The following RPS6KC1 variants were observed in gnomAD, a reference collection of about 807,000 sequenced individuals.
RPS6KC1 encodes the protein ribosomal protein S6 kinase C1, also known as inactive ribosomal protein S6 kinase delta-1.
A neutral mutation model predicts 103.8 loss-of-function variants in RPS6KC1; 54 were observed. That is an observed-to-expected ratio of 0.52 (90% CI 0.42 to 0.65). The LOEUF (loss-of-function observed/expected upper bound fraction) is 0.65, where lower values mean the gene tolerates loss of function less well. RPS6KC1 is among the 30% of genes least tolerant of loss of function. RPS6KC1 has a pLI of 0.00. For synonymous variants in RPS6KC1, 439 were observed against 438.7 expected (o/e 1.00, Z -0.01); for missense variants, 1,151 against 1,253.8 (o/e 0.92, Z 1.24).
At chr1:213,110,401 A>G (rs903903466) in intron 4 of RPS6KC1, among the ~76,000 whole-genome samples, 9 of 152,150 alleles carry the variant, frequency 5.9e-5, no homozygotes, top group African/African-American at 2.2e-4. Context: ...AGTAACTAAT[A>G]CTTTTTGTTA....
At chr1:213,285,381 A>G in the RPS6KC1 span, among the ~76,000 whole-genome samples, 4 of 152,208 alleles carry the variant, frequency 2.6e-5, no homozygotes, top group Admixed American at 2.0e-4. Flanking sequence ...TTGGGAGAAC[A>G]CAAAGATTCA....
the RPS6KC1 span, among the ~76,000 whole-genome samples, chr1:213,299,055 G>A: frequency 6.6e-6 from 1 of 152,174 alleles, no homozygotes; most frequent in Non-Finnish European, 1.5e-5. Flanking sequence ...AACAGCTGGG[G>A]CATCTGTCTC....
chr1:213,810,410 T>C, the RPS6KC1 span, among the ~76,000 whole-genome samples: 2 of 152,316 alleles, frequency 1.3e-5, no homozygotes, highest in Non-Finnish European at 1.5e-5. Context: ...TATTCATTGC[T>C]GCATACCTGG....
chr1:213,649,427 G>A, the RPS6KC1 span, among the ~76,000 whole-genome samples: 28 of 151,760 alleles, frequency 1.8e-4, no homozygotes, highest in Non-Finnish European at 3.7e-4. Context: ...CCTCCACTCC[G>A]CCCCCACCTA....
the RPS6KC1 span, among the ~76,000 whole-genome samples, chr1:213,665,199 AAAC>A: frequency 1.1e-4 from 16 of 151,062 alleles, no homozygotes; most frequent in East Asian, 3.9e-4. Context: ...AAACAAGCAA[AAAC>A]AACAACAACA....
At chr1:213,559,436 T>C in the RPS6KC1 span, among the ~76,000 whole-genome samples, 1 of 152,344 alleles carries the variant, frequency 6.6e-6, no homozygotes, top group East Asian at 1.9e-4. Context: ...AGCATTTAAG[T>C]GCATACAGAA....
At chr1:213,646,556 G>C in the RPS6KC1 span, among the ~76,000 whole-genome samples, 11 of 152,166 alleles carry the variant, frequency 7.2e-5, no homozygotes, top group East Asian at 1.5e-3. Flanking sequence ...GTTGTCTTGG[G>C]GAATTAACTT....
chr1:213,136,180 A>T (rs146520938), intron 6 of RPS6KC1, among the ~76,000 whole-genome samples: 1 of 152,314 alleles, frequency 6.6e-6, no homozygotes, highest in East Asian at 1.9e-4. Flanking sequence ...ATGGCATGAA[A>T]GGTAACCCCT....
the RPS6KC1 span, among the ~76,000 whole-genome samples, chr1:213,535,073 A>G: frequency 1.3e-5 from 2 of 152,228 alleles, no homozygotes; most frequent in Admixed American, 1.3e-4. Flanking sequence ...TGCATTTTGC[A>G]TTAAGAAAGC....
Position 213,127,581 on chromosome 1 carries a change from T to A in RPS6KC1, c.473-1946T>A, listed in dbSNP as rs189314434. 1.4e-4 allele frequency among the ~76,000 whole-genome samples: 21 copies of A among 152,214 alleles called. No individual in the cohort carries two copies. The East Asian group carries it at 1.9e-3, about 14-fold the overall frequency. On this transcript the variant is annotated intron_variant, in intron 5 of 14. Transcript: ENST00000366960. ...GCTTGAAAGAACAATTAACAAACTG[T>A]CATTATTCAGACTTGTGTATTTGGC...
At chr1:213,214,255 A>G (rs994891137) in intron 8 of RPS6KC1, among the ~76,000 whole-genome samples, 4 of 152,250 alleles carry the variant, frequency 2.6e-5, no homozygotes, top group Non-Finnish European at 4.4e-5. Context: ...GAAGGGTCCT[A>G]CGTACACGGA....
chr1:213,521,966 G>T, the RPS6KC1 span, among the ~76,000 whole-genome samples: 1 of 152,168 alleles, frequency 6.6e-6, no homozygotes, highest in Non-Finnish European at 1.5e-5. Flanking sequence ...ACCTCCTCCT[G>T]TGAATCACAA....
At chr1:213,220,629 G>T (rs2093808059) in intron 8 of RPS6KC1, among the ~76,000 whole-genome samples, 1 of 152,158 alleles carries the variant, frequency 6.6e-6, no homozygotes, top group Admixed American at 6.6e-5. Context: ...CCAGCCTTCT[G>T]TTGCCATTTT....
the RPS6KC1 span, among the ~76,000 whole-genome samples, chr1:213,561,462 T>C: frequency 1.3e-5 from 2 of 152,184 alleles, no homozygotes; most frequent in African/African-American, 2.4e-5. Flanking sequence ...CAGGCTGATA[T>C]TTTAGTTAAG....
the RPS6KC1 span, among the ~76,000 whole-genome samples, chr1:213,442,168 A>T: frequency 1.3e-5 from 2 of 152,206 alleles, no homozygotes; most frequent in Non-Finnish European, 2.9e-5. Flanking sequence ...AAAGAAAGCC[A>T]GGCAATTCTG....
the RPS6KC1 span, among the ~76,000 whole-genome samples, chr1:213,593,968 C>T: frequency 7.2e-5 from 11 of 152,114 alleles, no homozygotes; most frequent in African/African-American, 1.2e-4. Context: ...TGGGTTCCAG[C>T]GATGCTTGTG....
the RPS6KC1 span, among the ~76,000 whole-genome samples, chr1:213,577,625 CT>C: frequency 1.3e-5 from 2 of 152,174 alleles, no homozygotes; most frequent in South Asian, 2.1e-4. Flanking sequence ...TTATTGGGAA[CT>C]GGGGCAAAGG....
intron 7 of RPS6KC1, among the ~76,000 whole-genome samples, chr1:213,169,241 A>G (rs915537478): frequency 5.3e-5 from 8 of 152,150 alleles, no homozygotes; most frequent in African/African-American, 1.2e-4. Context: ...TTTGAAAATG[A>G]TAAGATAGCA....
the RPS6KC1 span, among the ~76,000 whole-genome samples, chr1:213,507,431 G>A: frequency 6.6e-6 from 1 of 152,178 alleles, no homozygotes; most frequent in African/African-American, 2.4e-5. Context: ...CTGAACTCAG[G>A]TGGTAGCAAG....
Sources: gnomAD v4.1 joint callset for allele counts (sites outside exome capture counted in the v4.1 genomes callset) on GRCh38, gnomAD v4.1.1 for gene constraint, MANE v1.5 for transcripts, NCBI Gene and HGNC (gene_info 2026-07-23, HGNC 2026-07-21) for gene names.